Variants in SGCZ observed in about 807,000 individuals in gnomAD.
SGCZ encodes the protein sarcoglycan zeta, also known as zeta-sarcoglycan.
In SGCZ, 40 loss-of-function variants were observed where a neutral mutation model predicts 41.3. That is an observed-to-expected ratio of 0.97 (90% confidence interval 0.75 to 1.26). The LOEUF (loss-of-function observed/expected upper bound fraction) is 1.26. Ranked by LOEUF, SGCZ falls within the 50% of genes most tolerant of loss-of-function variation. SGCZ has a pLI of 0.00. For missense variants in SGCZ, 552 were observed against 369.8 expected, an observed-to-expected ratio of 1.49 and a Z score of -4.04; for synonymous variants, 206 against 137.5, an observed-to-expected ratio of 1.50 and a Z score of -3.49.
At chr8:14,141,680 G>C (rs934554590) in intron 5 of SGCZ, among the ~76,000 whole-genome samples, 3 of 152,194 alleles carry the variant, frequency 2.0e-5, no homozygotes, top group African/African-American at 7.2e-5. Context: ...ATGCTGGAGA[G>C]GATGTGGAGA....
At chr8:15,061,181 A>G (rs1009507204) in intron 1 of SGCZ, among the ~76,000 whole-genome samples, 4 of 138,508 alleles carry the variant, frequency 2.9e-5, no homozygotes, top group Non-Finnish European at 6.6e-5. Flanking sequence ...GATAGTATTA[A>G]GAGGGGGGAA....
intron 2 of SGCZ, among the ~76,000 whole-genome samples, chr8:14,462,797 G>T (rs1800939429): frequency 6.6e-6 from 1 of 151,732 alleles, no homozygotes; most frequent in African/African-American, 2.4e-5. Context: ...TGAATCTGTA[G>T]ATCATTTGGG....
chr8:14,365,061 A>G (rs1803649105), intron 2 of SGCZ, among the ~76,000 whole-genome samples: 1 of 152,048 alleles, frequency 6.6e-6, no homozygotes, highest in Non-Finnish European at 1.5e-5. Context: ...ATTTTAAGTA[A>G]TAAGCAATTT....
chr8:15,042,107 T>C (rs1181583153), intron 1 of SGCZ, among the ~76,000 whole-genome samples: 1 of 152,202 alleles, frequency 6.6e-6, no homozygotes, highest in Non-Finnish European at 1.5e-5. Context: ...CATAGTAAGA[T>C]GATAAAGACA....
At chr8:15,083,175 T>TA (rs1447946726) in intron 1 of SGCZ, among the ~76,000 whole-genome samples, 1 of 152,208 alleles carries the variant, frequency 6.6e-6, no homozygotes. Context: ...AAAATGAAAC[T>TA]AAGAGACCTA....
At chr8:14,712,730 G>A (rs1809561794) in intron 1 of SGCZ, among the ~76,000 whole-genome samples, 1 of 152,006 alleles carries the variant, frequency 6.6e-6, no homozygotes, top group Non-Finnish European at 1.5e-5. Flanking sequence ...TTATTTTCCT[G>A]GTTATTTACT....
At chr8:14,335,981 C>A (rs1039632266) in intron 2 of SGCZ, among the ~76,000 whole-genome samples, 3 of 151,964 alleles carry the variant, frequency 2.0e-5, no homozygotes, top group African/African-American at 7.2e-5. Flanking sequence ...AAACTCATGT[C>A]ATAGGGGTTT....
intron 1 of SGCZ, among the ~76,000 whole-genome samples, chr8:14,952,939 T>G (rs1035546484): frequency 6.6e-6 from 1 of 152,096 alleles, no homozygotes; most frequent in Admixed American, 6.6e-5. Flanking sequence ...AAATCAACAC[T>G]GCAAAATTCT....
intron 1 of SGCZ, among the ~76,000 whole-genome samples, chr8:14,636,004 C>T (rs1806816225): frequency 6.6e-6 from 1 of 151,784 alleles, no homozygotes; most frequent in Non-Finnish European, 1.5e-5. Flanking sequence ...TCAAAAGAGG[C>T]TTGCAAAAGA....
intron 2 of SGCZ, among the ~76,000 whole-genome samples, chr8:14,461,731 C>T (rs532059903): frequency 6.6e-6 from 1 of 152,194 alleles, no homozygotes; most frequent in South Asian, 2.1e-4. Flanking sequence ...AAATAACTTA[C>T]ATGTCATTTA....
chr8:14,092,089 G>A (rs1267276979), intron 7 of SGCZ, among the ~76,000 whole-genome samples: 1 of 151,994 alleles, frequency 6.6e-6, no homozygotes, highest in Non-Finnish European at 1.5e-5. Context: ...TTTCCCCATT[G>A]CTTGTTTTTG....
chr8:14,934,922 C>CT (rs1388045100), intron 1 of SGCZ, among the ~76,000 whole-genome samples: 3 of 148,368 alleles, frequency 2.0e-5, no homozygotes, highest in Non-Finnish European at 4.5e-5. Flanking sequence ...TCTCCCAGTA[C>CT]TGAAAAAAAA....
At chr8:14,962,017 A>AT (rs1800982465) in intron 1 of SGCZ, among the ~76,000 whole-genome samples, 1 of 152,172 alleles carries the variant, frequency 6.6e-6, no homozygotes, top group African/African-American at 2.4e-5. Context: ...TCATTTTCCA[A>AT]TTAATCTGAA....
rs943659851 is a variant in SGCZ at position 14,508,422 on chromosome 8, A to C, written c.234+46310T>G. Among the ~76,000 whole-genome samples, 10 of 152,286 alleles carry C rather than the reference A, an allele frequency of 6.6e-5. No individual in the cohort carries two copies. The East Asian group carries it at 1.7e-3, about 26-fold the overall frequency. ...TGTCATTTTAACAGAGGTAATTCTA[A>C]AGTCTGAGAAGAAAGAAGATCCACC... On this transcript the variant is annotated intron_variant, in intron 2 of 7. Coordinates refer to ENST00000382080, the MANE Select transcript of SGCZ (RefSeq NM_139167.4).
chr8:14,871,136 G>A (rs532481460), intron 1 of SGCZ, among the ~76,000 whole-genome samples: 1 of 152,198 alleles, frequency 6.6e-6, no homozygotes, highest in African/African-American at 2.4e-5. Flanking sequence ...GAACCCAAGA[G>A]GCAGAGGTTA....
rs1165543406 is a variant in SGCZ at position 14,521,398 on chromosome 8, C to A, written c.234+33334G>T. 5.9e-5 allele frequency among the ~76,000 whole-genome samples: 9 copies of A among 152,098 alleles called. No homozygotes were observed. In the East Asian group the frequency reaches 1.7e-3, roughly 29 times the overall value. The stretch of plus-strand genomic sequence containing the variant: ...TGTGTATTGATAGTAATCTGTACAA[C>A]AAACTCCCATGACACAAACCTATGT... On this transcript the variant is annotated intron_variant, in intron 2 of 7. Coordinates refer to ENST00000382080, the MANE Select transcript of SGCZ (RefSeq NM_139167.4).
intron 1 of SGCZ, among the ~76,000 whole-genome samples, chr8:14,642,132 G>A (rs1208302355): frequency 6.6e-6 from 1 of 151,628 alleles, no homozygotes. Context: ...AGCCATACAG[G>A]CCAGTTAAAC....
chr8:15,157,134 A>C (rs1799354966), intron 1 of SGCZ, among the ~76,000 whole-genome samples: 1 of 152,178 alleles, frequency 6.6e-6, no homozygotes, highest in Non-Finnish European at 1.5e-5. Context: ...GCAGAAAAAT[A>C]CTTGAACAGC....
chr8:14,285,607 G>A (rs779768263), intron 3 of SGCZ, among the ~76,000 whole-genome samples: 1 of 151,940 alleles, frequency 6.6e-6, no homozygotes, highest in African/African-American at 2.4e-5. Context: ...AATGATTCTT[G>A]CCATTAGAGA....
Sources: allele counts gnomAD v4.1 joint callset (sites outside exome capture counted in the v4.1 genomes callset), GRCh38; gene constraint gnomAD v4.1.1; transcripts MANE v1.5; gene names NCBI Gene and HGNC (gene_info 2026-07-23, HGNC 2026-07-21).